TOPAZ1: variants seen among roughly 807,000 people sequenced by gnomAD.
TOPAZ1 encodes protein TOPAZ1.
A neutral mutation model predicts 172.2 loss-of-function variants in TOPAZ1; 66 were observed. The ratio of observed to expected loss-of-function variants is 0.38; its 90% CI spans 0.31 to 0.47. The LOEUF is 0.47. TOPAZ1 is among the 20% of genes least tolerant of loss of function. The pLI is 0.99. For missense variants in TOPAZ1, 1,822 were observed against 1,972.4 expected, an observed-to-expected ratio of 0.92 and a Z score of 1.44; for synonymous variants, 681 against 683.9, an observed-to-expected ratio of 1.00 and a Z score of 0.07.
Position 44,245,226 on chromosome 3 carries a change from A to G in TOPAZ1, c.2720A>G (p.Lys907Arg). Residue 907 changes from lysine to arginine, a missense_variant, in exon 2 of 20, where the codon AAG (lysine) becomes AGG (arginine). By Grantham distance (26) the Lys-to-Arg change is conservative. Transcript: ENST00000309765. ...VAGEHQSTDS[K>R]YMETPVKKEP... ...GGAGAGCACCAATCAACAGACTCCA[A>G]GTACATGGAAACTCCAGTAAAAAAA... is the stretch of plus-strand genomic sequence containing the variant. 1 of 1,545,414 alleles carries G rather than the reference A, an allele frequency of 6.5e-7. No homozygotes were observed. Among genetic ancestry groups the G allele is most frequent in the South Asian group, 1.2e-5 (1 of 82,410 alleles).
At chr3:44,251,362 T>A (rs1010715626) in intron 2 of TOPAZ1, among the ~76,000 whole-genome samples, 1 of 152,144 alleles carries the variant, frequency 6.6e-6, no homozygotes, top group Admixed American at 6.5e-5. Flanking sequence ...ACTCAAGCAA[T>A]CCTCCCACAT....
chr3:44,250,609 A>G (rs1699619455), intron 2 of TOPAZ1, among the ~76,000 whole-genome samples: 1 of 152,178 alleles, frequency 6.6e-6, no homozygotes, highest in Non-Finnish European at 1.5e-5. Flanking sequence ...ACTCAAGGCA[A>G]CCTGCTCCAG....
chr3:44,310,371 C>T (rs750538831), intron 16 of TOPAZ1, among the ~76,000 whole-genome samples: 3 of 151,956 alleles, frequency 2.0e-5, no homozygotes, highest in African/African-American at 4.8e-5. Flanking sequence ...TGGTGGTGGC[C>T]GCTTGTAATC....
At chr3:44,324,199 T>C (rs937164800) in intron 18 of TOPAZ1, among the ~76,000 whole-genome samples, 1 of 152,234 alleles carries the variant, frequency 6.6e-6, no homozygotes. Context: ...TTCAGTTGCA[T>C]ATATGCACGT....
chr3:44,245,350 T>C, intron 2 of TOPAZ1, 79 bp downstream of exon 2: 3 of 1,355,808 alleles, frequency 2.2e-6, no homozygotes, highest in Non-Finnish European at 2.9e-6. Flanking sequence ...ACTAATGTAT[T>C]CAGTGATATT....
Position 44,287,417 on chromosome 3 carries a change from G to A in TOPAZ1, c.3465G>A (p.Lys1155=). 1.3e-6 allele frequency: 2 copies of A among 1,506,270 alleles called. No homozygotes were observed. The highest frequency in any genetic ancestry group is 1.8e-6 in the Non-Finnish European group (2 of 1,125,092). 93.3% of individuals were successfully genotyped at this position (1,506,270 alleles called of 1,614,324 possible). Residue 1155 remains lysine, a synonymous_variant, in exon 10 of 20, where the codon AAG becomes AAA. Coordinates refer to ENST00000309765, the MANE Select transcript of TOPAZ1 (RefSeq NM_001145030.2). Reference sequence around the variant, plus strand: ...ACATATTTATGGAGTACTACAGAAAGTTTCCCCCAGGTGTATACTTTGATT... The same window carrying A: ...ACATATTTATGGAGTACTACAGAAAATTTCCCCCAGGTGTATACTTTGATT... The part of the protein sequence containing the change: ...AVNIFMEYYR[K]FPPGVYFDLQ...
intron 12 of TOPAZ1, among the ~76,000 whole-genome samples, chr3:44,298,389 T>C (rs1342814086): frequency 1.3e-5 from 2 of 151,982 alleles, no homozygotes; most frequent in African/African-American, 4.8e-5. Context: ...GCCCCAGAGG[T>C]AGAGGCTGCA....
At chr3:44,287,696 G>A in intron 10 of TOPAZ1, 51 bp from the exon 11 acceptor site, 6 of 1,100,506 alleles carry the variant, frequency 5.5e-6, no homozygotes, top group Middle Eastern at 2.7e-4. Context: ...GAAATTTAAG[G>A]TGTACTAAAA....
At chr3:44,315,428 A>T (rs1374188806) in intron 16 of TOPAZ1, among the ~76,000 whole-genome samples, 1 of 151,530 alleles carries the variant, frequency 6.6e-6, no homozygotes, top group Non-Finnish European at 1.5e-5. Flanking sequence ...GTGCAATGGC[A>T]TGATCTCAGC....
At chr3:44,250,243 CAAAAAA>C (rs35079686) in intron 2 of TOPAZ1, among the ~76,000 whole-genome samples, 1 of 110,812 alleles carries the variant, frequency 9.0e-6, no homozygotes, top group Admixed American at 9.2e-5. Flanking sequence ...CATGAAATGA[CAAAAAA>C]AAAAAAAAAA....
chr3:44,262,249 C>G (rs1466227527), intron 4 of TOPAZ1, among the ~76,000 whole-genome samples, 170 bp from the exon 5 acceptor site: 1 of 152,020 alleles, frequency 6.6e-6, no homozygotes, highest in Admixed American at 6.6e-5. Context: ...ATTTTAAAGT[C>G]AGTATTCAGT....
At chr3:44,270,036 G>A (rs1238497512) in intron 7 of TOPAZ1, among the ~76,000 whole-genome samples, 1 of 152,166 alleles carries the variant, frequency 6.6e-6, no homozygotes, top group Non-Finnish European at 1.5e-5. Flanking sequence ...AGTGTAAGAG[G>A]TTGAAAACAG....
intron 2 of TOPAZ1, among the ~76,000 whole-genome samples, chr3:44,254,507 A>G (rs1429731932): frequency 6.6e-6 from 1 of 151,790 alleles, no homozygotes; most frequent in African/African-American, 2.4e-5. Context: ...CATGCCTGTA[A>G]TCCCAGCTAC....
In TOPAZ1 at chr3:44,244,443, A is replaced by G; in HGVS notation, c.1937A>G (p.Lys646Arg). The G allele has an allele frequency of 6.4e-6, 10 of 1,551,742 alleles. No homozygotes were observed. In the South Asian group the frequency reaches 1.1e-4, roughly 17 times the overall value. The change falls in exon 2 of 20, where the codon AAA (lysine) becomes AGA (arginine). Residue 646 changes from lysine to arginine, a missense_variant. Coordinates refer to ENST00000309765, the MANE Select transcript of TOPAZ1 (RefSeq NM_001145030.2). ...LTKLNLTATS[K>R]DGQEANNSAG... ...AAACTTAATTTGACAGCGACTTCCA[A>G]AGATGGTCAGGAAGCAAATAACTCT...
intron 16 of TOPAZ1, among the ~76,000 whole-genome samples, chr3:44,310,370 C>G (rs1264739183): frequency 5.9e-5 from 9 of 151,958 alleles, no homozygotes; most frequent in African/African-American, 2.2e-4. Context: ...ATGGTGGTGG[C>G]CGCTTGTAAT....
chr3:44,312,823 A>G (rs1375678013), intron 16 of TOPAZ1, among the ~76,000 whole-genome samples: 2 of 152,226 alleles, frequency 1.3e-5, no homozygotes, highest in Non-Finnish European at 2.9e-5. Context: ...ATTTATTGAG[A>G]AACTGCCTTT....
intron 18 of TOPAZ1, among the ~76,000 whole-genome samples, chr3:44,325,181 T>C (rs1700585353): frequency 6.6e-6 from 1 of 152,218 alleles, no homozygotes; most frequent in Non-Finnish European, 1.5e-5. Flanking sequence ...TTTTCAGACA[T>C]AGCTTAACCC....
rs12637930 is a variant in TOPAZ1, at chr3:44,274,715, C to T, written c.3372+3905C>T. Among the ~76,000 whole-genome samples the T allele has an allele frequency of 7.8e-3, 1,180 of 151,622 alleles. 17 individuals carry two copies. The highest frequency in any genetic ancestry group is 0.027 in the African/African-American group (1,134 of 41,360). On this transcript the variant is annotated intron_variant, in intron 8 of 19. Coordinates refer to ENST00000309765, the MANE Select transcript of TOPAZ1 (RefSeq NM_001145030.2). ...GATTACAGGCGTGCGCCAACATGCC[C>T]GGCTAATTTTGTATTTTTAGTAGAG...
At chr3:44,321,658 C>G (rs554486634) in intron 17 of TOPAZ1, among the ~76,000 whole-genome samples, 2 of 152,266 alleles carry the variant, frequency 1.3e-5, no homozygotes, top group East Asian at 3.9e-4. Context: ...TGAGCAAAAG[C>G]TTTGGGTCAA....
Sources: allele counts gnomAD v4.1 joint callset (sites outside exome capture counted in the v4.1 genomes callset), GRCh38; gene constraint gnomAD v4.1.1; transcripts MANE v1.5; gene names NCBI Gene and HGNC (gene_info 2026-07-23, HGNC 2026-07-21).